GRM7: variants seen among roughly 807,000 people sequenced by gnomAD.
GRM7 encodes metabotropic glutamate receptor 7.
GRM7 carries 35 observed loss-of-function variants against 84.5 expected under a neutral mutation model. That is an observed-to-expected ratio of 0.41 (90% CI 0.32 to 0.55). The LOEUF (loss-of-function observed/expected upper bound fraction) is 0.55. Among genes scored for constraint, GRM7 ranks in the 20% least tolerant of loss-of-function variants. The probability of loss-of-function intolerance (pLI) is 0.19; values close to 1 mark genes in which losing one functional copy is unlikely to be tolerated. For synonymous variants in GRM7, 487 were observed against 455.1 expected, an observed-to-expected ratio of 1.07 and a Z score of -0.89; for missense variants, 1,003 against 1,194.6, an observed-to-expected ratio of 0.84 and a Z score of 2.36.
chr3:6,998,212 A>G (rs1694892946), intron 1 of GRM7, among the ~76,000 whole-genome samples: 1 of 151,402 alleles, frequency 6.6e-6, no homozygotes, highest in Non-Finnish European at 1.5e-5. Flanking sequence ...AATGGGAGAA[A>G]TTGACCAAAA....
chr3:7,150,342 G>T (rs370365232), intron 2 of GRM7, among the ~76,000 whole-genome samples: 1 of 152,226 alleles, frequency 6.6e-6, no homozygotes, highest in Middle Eastern at 3.4e-3. Flanking sequence ...CATGCTCACC[G>T]TCACAGTGCA....
chr3:7,275,349 C>T (rs1428369763), intron 2 of GRM7, among the ~76,000 whole-genome samples: 2 of 152,074 alleles, frequency 1.3e-5, no homozygotes, highest in African/African-American at 4.8e-5. Flanking sequence ...ATAATTCTTT[C>T]TCCTGATAGC....
At chr3:7,534,170 C>T (rs573281161) in intron 7 of GRM7, among the ~76,000 whole-genome samples, 10 of 152,136 alleles carry the variant, frequency 6.6e-5, no homozygotes, top group Non-Finnish European at 1.2e-4. Context: ...CACACCACCA[C>T]GCCTGGCTAA....
intron 1 of GRM7, among the ~76,000 whole-genome samples, chr3:7,145,700 A>G (rs528642940): frequency 1.3e-5 from 2 of 152,238 alleles, no homozygotes; most frequent in East Asian, 3.9e-4. Context: ...CATTTGGTGA[A>G]TGCCATGTGG....
chr3:6,883,015 T>C (rs1695567667), intron 1 of GRM7, among the ~76,000 whole-genome samples: 1 of 152,228 alleles, frequency 6.6e-6, no homozygotes, highest in Non-Finnish European at 1.5e-5. Flanking sequence ...TGCACTACCT[T>C]ACCTTTCTAT....
intron 2 of GRM7, among the ~76,000 whole-genome samples, chr3:7,208,071 G>C (rs1418068901): frequency 1.3e-5 from 2 of 152,100 alleles, no homozygotes; most frequent in African/African-American, 4.8e-5. Flanking sequence ...CTTAGAAAAA[G>C]ACATTAGTAC....
intron 2 of GRM7, among the ~76,000 whole-genome samples, chr3:7,271,440 TC>T (rs1362119027): frequency 6.6e-6 from 1 of 151,492 alleles, no homozygotes; most frequent in East Asian, 2.0e-4. Flanking sequence ...GCGCCTGTAG[TC>T]CCAGCTACTC....
At chr3:7,196,236 A>C (rs1695874637) in intron 2 of GRM7, among the ~76,000 whole-genome samples, 1 of 152,156 alleles carries the variant, frequency 6.6e-6, no homozygotes, top group South Asian at 2.1e-4. Context: ...TGTGCTATTC[A>C]GGTCTTTAAC....
chr3:7,091,443 G>A (rs948007743), intron 1 of GRM7, among the ~76,000 whole-genome samples: 10 of 152,018 alleles, frequency 6.6e-5, no homozygotes, highest in African/African-American at 2.4e-4. Flanking sequence ...GTAAATGGCT[G>A]CAAAGCACAT....
chr3:7,324,153 C>A (rs1208683280), intron 4 of GRM7, among the ~76,000 whole-genome samples: 4 of 152,150 alleles, frequency 2.6e-5, no homozygotes, highest in Non-Finnish European at 4.4e-5. Flanking sequence ...TGATCCAGAA[C>A]TTCCATTCTC....
rs779733801 is a variant in GRM7 at position 7,020,683 on chromosome 3, C to T, written c.520-125769C>T. On this transcript the variant is annotated intron_variant, in intron 1 of 9. Coordinates refer to ENST00000357716, the MANE Select transcript of GRM7 (RefSeq NM_000844.4). ...ACCTCCTTTTATAGGGTGACTACAA[C>T]ACTATAAATATCATCCTGGTAATCT... 6.6e-5 allele frequency among the ~76,000 whole-genome samples: 10 copies of T among 152,154 alleles called. No individual in the cohort carries two copies. The South Asian group carries it at 8.3e-4, about 13-fold the overall frequency.
intron 4 of GRM7, among the ~76,000 whole-genome samples, chr3:7,323,768 A>G (rs1308473560): frequency 1.3e-5 from 2 of 152,214 alleles, no homozygotes; most frequent in Non-Finnish European, 2.9e-5. Flanking sequence ...AAACAATGTT[A>G]ATGATTACAA....
At chr3:7,588,642 G>T (rs190566092) in intron 8 of GRM7, among the ~76,000 whole-genome samples, 1 of 152,284 alleles carries the variant, frequency 6.6e-6, no homozygotes, top group Non-Finnish European at 1.5e-5. Flanking sequence ...AAGGTATACT[G>T]TGGCAAGGAA....
At position 6,861,459 on chromosome 3, in the gene GRM7, T is replaced by G. The variant is rs774494148; in HGVS notation, c.71T>G (p.Leu24Arg). The change falls in exon 1 of 10, where the codon CTC becomes CGC. Residue 24 changes from leucine to arginine, a missense_variant. Physicochemically the swap from Leu to Arg is moderately radical, Grantham distance 102. Around this residue, in one of 2 missense-constraint regions of GRM7, gnomAD observed 93 missense variants for 68.6 expected, o/e 1.36. Coordinates refer to ENST00000357716, the MANE Select transcript of GRM7 (RefSeq NM_000844.4). This position sits in a 1 kb window ranked among gnomAD's most constrained non-coding sequence, Gnocchi z 6.4. ...TTCCCCTGCTGCGTGCTGGAGGTGC[T>G]CCTGTGCGCGCTGGCGGCGGCGGCG... Reference protein sequence around the residue: ...MKFPCCVLEVLLCALAAAARG... With the variant: ...MKFPCCVLEVRLCALAAAARG... The G allele has an allele frequency of 6.4e-7, 1 of 1,553,566 alleles. No homozygotes were observed. The highest frequency in any genetic ancestry group is 8.7e-7 in the Non-Finnish European group (1 of 1,148,150).
At chr3:7,136,996 T>A (rs1218244733) in intron 1 of GRM7, among the ~76,000 whole-genome samples, 1 of 152,058 alleles carries the variant, frequency 6.6e-6, no homozygotes, top group Admixed American at 6.6e-5. Flanking sequence ...GGGGCAAACA[T>A]TGTAGAGGTT....
intron 8 of GRM7, among the ~76,000 whole-genome samples, chr3:7,584,995 T>C (rs1389671549): frequency 6.6e-6 from 1 of 152,152 alleles, no homozygotes; most frequent in Non-Finnish European, 1.5e-5. Context: ...CATATAAACA[T>C]ACACACATTT....
intron 5 of GRM7, among the ~76,000 whole-genome samples, chr3:7,420,610 C>G (rs1006594075): frequency 3.3e-5 from 5 of 152,138 alleles, no homozygotes; most frequent in African/African-American, 1.2e-4. Context: ...TGACTCATCT[C>G]TAAATATCGG....
intron 1 of GRM7, among the ~76,000 whole-genome samples, chr3:7,137,480 A>G (rs1282804619): frequency 2.0e-5 from 3 of 152,090 alleles, no homozygotes; most frequent in Non-Finnish European, 2.9e-5. Flanking sequence ...GATAATTTTG[A>G]GGCATGAGAA....
chr3:7,651,918 A>AGCCCC (rs1698959565), intron 8 of GRM7, among the ~76,000 whole-genome samples: 2 of 152,212 alleles, frequency 1.3e-5, no homozygotes, highest in African/African-American at 4.8e-5. Context: ...TCAAGCTCTC[A>AGCCCC]GCCCCTGCCA....
Sources: allele counts gnomAD v4.1 joint callset (sites outside exome capture counted in the v4.1 genomes callset), GRCh38; gene constraint gnomAD v4.1.1; regional missense constraint gnomAD v4.1.1; non-coding constraint Gnocchi (gnomAD v3.1); transcripts MANE v1.5; gene names NCBI Gene and HGNC (gene_info 2026-07-23, HGNC 2026-07-21).